Variants in MRAP2 observed in about 807,000 individuals in gnomAD.
MRAP2 encodes the protein melanocortin-2 receptor accessory protein 2.
Under a neutral mutation model 17.4 loss-of-function variants are expected in MRAP2, and 20 were observed. That is an observed-to-expected ratio of 1.15 (90% CI 0.81 to 1.67). The LOEUF (loss-of-function observed/expected upper bound fraction) is 1.67. Among genes scored for constraint, MRAP2 ranks in the 40% most tolerant of loss-of-function variants. The probability of loss-of-function intolerance (pLI) is 0.00; values close to 1 mark genes in which losing one functional copy is unlikely to be tolerated. For missense variants in MRAP2, 238 were observed against 240.0 expected, an observed-to-expected ratio of 0.99 and a Z score of 0.05; for synonymous variants, 96 against 88.4, an observed-to-expected ratio of 1.09 and a Z score of -0.48.
chr6:84,065,803 C>T (rs1045774925), intron 3 of MRAP2, among the ~76,000 whole-genome samples: 20 of 152,052 alleles, frequency 1.3e-4, no homozygotes, highest in African/African-American at 4.6e-4. Context: ...AGCAGATTAC[C>T]CTCCATGCTG....
intron 1 of MRAP2, among the ~76,000 whole-genome samples, chr6:84,046,149 C>A (rs2099488967): frequency 6.6e-6 from 1 of 152,186 alleles, no homozygotes. Context: ...GAAATTATAT[C>A]TTCTCTACTT....
At chr6:84,128,666 A>G in the MRAP2 span, among the ~76,000 whole-genome samples, 6 of 152,160 alleles carry the variant, frequency 3.9e-5, no homozygotes, top group South Asian at 1.2e-3. Context: ...TATATAAAAC[A>G]CTTTGCACAG....
the MRAP2 span, among the ~76,000 whole-genome samples, chr6:84,101,623 A>G: frequency 1.3e-5 from 2 of 152,228 alleles, no homozygotes; most frequent in African/African-American, 4.8e-5. Context: ...TATTTGCAGC[A>G]TAGCACTAAT....
chr6:84,134,790 T>C, the MRAP2 span, among the ~76,000 whole-genome samples: 1 of 152,118 alleles, frequency 6.6e-6, no homozygotes, highest in Non-Finnish European at 1.5e-5. Context: ...TGTTCCTATT[T>C]GACCATCTTG....
At chr6:84,112,244 TG>T in the MRAP2 span, among the ~76,000 whole-genome samples, 1 of 152,184 alleles carries the variant, frequency 6.6e-6, no homozygotes, top group Non-Finnish European at 1.5e-5. Flanking sequence ...GGGCTTCTTT[TG>T]GTTGGTAGGC....
intron 2 of MRAP2, 118 bp from the exon 3 acceptor site, chr6:84,062,775 G>C (rs2099493508): frequency 1.3e-6 from 2 of 1,519,044 alleles, no homozygotes; most frequent in Admixed American, 2.0e-5. Context: ...CTGCGGATCA[G>C]ACTGTTGACT....
In MRAP2 at chr6:84,086,441, C is replaced by T. The variant is rs2099500473; in HGVS notation, c.228-2650C>T. Among the ~76,000 whole-genome samples, 3 of 152,116 alleles carry T rather than the reference C, an allele frequency of 2.0e-5. No homozygotes were observed. The South Asian group carries it at 6.2e-4, about 32-fold the overall frequency. On this transcript the variant is annotated intron_variant, in intron 3 of 3. Coordinates refer to ENST00000257776, the MANE Select transcript of MRAP2 (RefSeq NM_138409.4). ...AGAATTCCCACTTCATGGCCTTCCCCAGCTCTATTCATCAGGATATTTTTT... is the reference window on the plus strand; with the variant it reads ...AGAATTCCCACTTCATGGCCTTCCCTAGCTCTATTCATCAGGATATTTTTT...
At chr6:84,136,422 T>C in the MRAP2 span, among the ~76,000 whole-genome samples, 1 of 152,192 alleles carries the variant, frequency 6.6e-6, no homozygotes, top group Non-Finnish European at 1.5e-5. Context: ...ACCACTGAAC[T>C]TATTCTTCTA....
chr6:84,126,373 T>G, the MRAP2 span: 5 of 1,580,264 alleles, frequency 3.2e-6, no homozygotes, highest in African/African-American at 6.8e-5. Flanking sequence ...TGTGATTTAC[T>G]TTACCTGTTG....
the MRAP2 span, among the ~76,000 whole-genome samples, chr6:84,098,597 A>T: frequency 6.6e-6 from 1 of 152,174 alleles, no homozygotes; most frequent in Admixed American, 6.5e-5. Flanking sequence ...GTGTATGTGA[A>T]TTCTGGTTGC....
chr6:84,124,921 A>C, the MRAP2 span: 1 of 672,980 alleles, frequency 1.5e-6, no homozygotes, highest in East Asian at 2.7e-5. Context: ...CTTATTGGTT[A>C]AAGGCAATTT....
intron 1 of MRAP2, among the ~76,000 whole-genome samples, chr6:84,054,427 G>T (rs2099491198): frequency 6.6e-6 from 1 of 152,176 alleles, no homozygotes; most frequent in Non-Finnish European, 1.5e-5. Context: ...AAGATACTTG[G>T]GAAATCCTGA....
the MRAP2 span, among the ~76,000 whole-genome samples, chr6:84,130,820 AT>A: frequency 4.0e-5 from 6 of 151,856 alleles, no homozygotes; most frequent in Middle Eastern, 3.4e-3. Flanking sequence ...GAATTCACTG[AT>A]TTTTTTTGAA....
At chr6:84,041,885 T>C (rs1329507778) in intron 1 of MRAP2, among the ~76,000 whole-genome samples, 1 of 152,222 alleles carries the variant, frequency 6.6e-6, no homozygotes, top group Non-Finnish European at 1.5e-5. Context: ...GAGTTAATGC[T>C]GGAATGAGTT....
At chr6:84,092,917 C>A (rs996716428), downstream of MRAP2, among the ~76,000 whole-genome samples, 3 of 152,114 alleles carry the variant, frequency 2.0e-5, no homozygotes, top group African/African-American at 7.2e-5. Context: ...ATCATCAGTC[C>A]CCAAAATAAC....
intron 2 of MRAP2, among the ~76,000 whole-genome samples, chr6:84,056,957 C>G (rs1408944772): frequency 6.6e-6 from 1 of 152,112 alleles, no homozygotes; most frequent in East Asian, 1.9e-4. Context: ...TGACTCATTC[C>G]TTACTTACTT....
intron 1 of MRAP2, among the ~76,000 whole-genome samples, chr6:84,040,828 C>T (rs1449827242): frequency 1.3e-5 from 2 of 152,098 alleles, no homozygotes; most frequent in African/African-American, 4.8e-5. Flanking sequence ...GGTGACAGAG[C>T]ATAAAAGTTT....
At chr6:84,036,770 G>A (rs2099486136) in intron 1 of MRAP2, among the ~76,000 whole-genome samples, 1 of 152,152 alleles carries the variant, frequency 6.6e-6, no homozygotes, top group African/African-American at 2.4e-5. Flanking sequence ...GAACTGATTG[G>A]TCTGTTTCAC....
upstream of MRAP2, chr6:84,033,555 C>A: frequency 2.0e-6 from 1 of 511,996 alleles, no homozygotes; most frequent in Non-Finnish European, 2.5e-6. Flanking sequence ...GCAAAGAATT[C>A]TCTGACTCAG....
Sources: gnomAD v4.1 joint callset for allele counts (sites outside exome capture counted in the v4.1 genomes callset) on GRCh38, gnomAD v4.1.1 for gene constraint, MANE v1.5 for transcripts, NCBI Gene and HGNC (gene_info 2026-07-23, HGNC 2026-07-21) for gene names.